Variants in LRRC8C observed in about 807,000 individuals in gnomAD.
The protein encoded by LRRC8C is volume-regulated anion channel subunit LRRC8C.
Under a neutral mutation model 55.3 loss-of-function variants are expected in LRRC8C, and 20 were observed. That is an observed-to-expected ratio of 0.36 (90% confidence interval 0.25 to 0.53). The LOEUF (loss-of-function observed/expected upper bound fraction) is 0.53. Ranked by LOEUF, LRRC8C falls within the 20% of genes least tolerant of loss-of-function variation. LRRC8C has a pLI of 0.92. For synonymous variants in LRRC8C, 376 were observed against 360.7 expected (o/e 1.04, Z -0.48); for missense variants, 659 against 951.4 (o/e 0.69, Z 4.04).
In LRRC8C at chr1:89,714,431, G is replaced by A; in HGVS notation, c.1861G>A (p.Glu621Lys). The A allele has an allele frequency of 6.2e-7, 1 of 1,614,140 alleles. No individual in the cohort carries two copies. The highest frequency in any genetic ancestry group is 8.5e-7 in the Non-Finnish European group (1 of 1,180,022). The change falls in exon 3 of 3, where the codon GAA (glutamate) becomes AAA (lysine). Residue 621 changes from glutamate (E) to lysine (K), a missense_variant. By Grantham distance (56) the Glu-to-Lys change is moderately conservative. Transcript: ENST00000370454. The surrounding 1 kb of genome is among the most constrained non-coding windows in gnomAD (Gnocchi z 4.6). ...CAGCCTCCAGGAATTGGACCTGAAG[G>A]AAAACAATCTGAAATCTATAGAAGA... ...LLSLQELDLK[E>K]NNLKSIEEIV...
intron 1 of LRRC8C, among the ~76,000 whole-genome samples, chr1:89,662,207 T>C (rs1657140320): frequency 6.6e-6 from 1 of 152,158 alleles, no homozygotes; most frequent in African/African-American, 2.4e-5. Context: ...CTTGCAAATT[T>C]CTGTTGGGTC....
At chr1:89,654,951 T>A (rs568984053) in intron 1 of LRRC8C, among the ~76,000 whole-genome samples, 1 of 148,556 alleles carries the variant, frequency 6.7e-6, no homozygotes, top group East Asian at 2.0e-4. Flanking sequence ...CAAGTGATCC[T>A]CCTTCTTCAG....
chr1:89,663,244 C>G (rs377255359), intron 1 of LRRC8C, among the ~76,000 whole-genome samples: 3 of 152,244 alleles, frequency 2.0e-5, no homozygotes, highest in East Asian at 3.9e-4. Flanking sequence ...TGGGTTGGTT[C>G]TAAGTCTTTG....
chr1:89,632,472 A>T (rs1656133616), upstream of LRRC8C, among the ~76,000 whole-genome samples: 1 of 152,166 alleles, frequency 6.6e-6, no homozygotes. Context: ...TTCATGATCC[A>T]AGGATATTGG....
At chr1:89,693,624 CCTTTT>C (rs1239820224) in intron 2 of LRRC8C, among the ~76,000 whole-genome samples, 3 of 141,536 alleles carry the variant, frequency 2.1e-5, no homozygotes, top group Admixed American at 1.4e-4. Flanking sequence ...CAGATATGTT[CCTTTT>C]CTTTTATCTT....
chr1:89,616,354 T>C, the LRRC8C span, among the ~76,000 whole-genome samples: 1 of 152,100 alleles, frequency 6.6e-6, no homozygotes, highest in Non-Finnish European at 1.5e-5. Context: ...CTAGACAGAG[T>C]TAATTCAGGG....
At chr1:89,709,959 G>A (rs1024465339) in intron 2 of LRRC8C, among the ~76,000 whole-genome samples, 2 of 152,124 alleles carry the variant, frequency 1.3e-5, no homozygotes, top group Non-Finnish European at 2.9e-5. Context: ...CACCGTGTTA[G>A]CCAAGGTGGT....
At chr1:89,636,273 C>T (rs10801756) in intron 1 of LRRC8C, among the ~76,000 whole-genome samples, 84,613 of 152,014 alleles carry the variant, frequency 0.56, 23,967 homozygotes, top group East Asian at 0.79. Context: ...CTGGTAGAAA[C>T]TTCTGCTGTA....
rs1658844054 is a variant in LRRC8C at position 89,717,062 on chromosome 1, T to A, written c.*2080T>A. 6.6e-6 allele frequency: 1 copy of A among 152,172 alleles called. No individual in the cohort carries two copies. 9.4% of individuals were successfully genotyped at this position (152,172 alleles called of 1,614,324 possible). A position where few individuals can be genotyped will look rare whatever the true frequency, so the allele number is the denominator to read the frequency against. ...CTCAGAATAATAACATGGTTATAGT[T>A]CTTGTATGATAAAGTATTCAATTTC... is the stretch of plus-strand genomic sequence containing the variant. On this transcript the variant is annotated 3_prime_UTR_variant, in exon 3 of 3. Transcript: ENST00000370454.
At chr1:89,670,413 C>T (rs1037038391) in intron 1 of LRRC8C, among the ~76,000 whole-genome samples, 2 of 152,170 alleles carry the variant, frequency 1.3e-5, no homozygotes, top group East Asian at 3.8e-4. Context: ...CATGCTGACT[C>T]ATTCATGTTC....
At chr1:89,644,748 C>A (rs1656567794) in intron 1 of LRRC8C, among the ~76,000 whole-genome samples, 1 of 152,194 alleles carries the variant, frequency 6.6e-6, no homozygotes, top group Non-Finnish European at 1.5e-5. Context: ...TAAACTCTTA[C>A]CAAATCTTTG....
At chr1:89,692,375 A>G (rs762992338) in intron 2 of LRRC8C, among the ~76,000 whole-genome samples, 5 of 152,292 alleles carry the variant, frequency 3.3e-5, no homozygotes, top group South Asian at 4.1e-4. Flanking sequence ...TAGAGTAACT[A>G]TTTTGTAAGT....
intron 2 of LRRC8C, among the ~76,000 whole-genome samples, chr1:89,696,977 A>T (rs1017246618): frequency 2.0e-5 from 3 of 152,214 alleles, no homozygotes; most frequent in African/African-American, 7.2e-5. Flanking sequence ...TGGAATCCAA[A>T]TAATCTTAAC....
intron 1 of LRRC8C, among the ~76,000 whole-genome samples, chr1:89,671,376 T>C (rs1570712385): frequency 1.3e-5 from 2 of 149,894 alleles, no homozygotes; most frequent in African/African-American, 2.5e-5. Context: ...GAAAAACAGA[T>C]CAAAGGAGAC....
Position 89,718,136 on chromosome 1 carries a change from A to C in LRRC8C, c.*3154A>C, listed in dbSNP as rs1195018337. 2 of 152,162 alleles carry C rather than the reference A, an allele frequency of 1.3e-5. No homozygotes were observed. Among genetic ancestry groups the C allele is most frequent in the African/African-American group, 4.8e-5 (2 of 41,454 alleles). The allele number at this position is 152,162 out of a possible 1,614,324, so 9.4% of individuals were successfully genotyped here. On this transcript the variant is annotated 3_prime_UTR_variant, in exon 3 of 3. Coordinates refer to ENST00000370454, the MANE Select transcript of LRRC8C (RefSeq NM_032270.5). ...GTTTTTAATGCAGCTCTTTTAATAT[A>C]AAGATTCTTGATACAGTGAAATCTC...
At chr1:89,640,047 C>T (rs1656411472) in intron 1 of LRRC8C, among the ~76,000 whole-genome samples, 1 of 152,170 alleles carries the variant, frequency 6.6e-6, no homozygotes, top group Admixed American at 6.5e-5. Flanking sequence ...AAAACTCATA[C>T]ATCTTGTCAG....
chr1:89,709,302 A>G (rs1034092897), intron 2 of LRRC8C, among the ~76,000 whole-genome samples: 1 of 152,220 alleles, frequency 6.6e-6, no homozygotes, highest in Non-Finnish European at 1.5e-5. Context: ...AGTTTTCTGA[A>G]CCTTGGTCAG....
intron 1 of LRRC8C, among the ~76,000 whole-genome samples, chr1:89,647,383 G>A (rs540176833): frequency 6.6e-5 from 10 of 152,262 alleles, no homozygotes; most frequent in African/African-American, 2.2e-4. Context: ...GAATTGAGAA[G>A]GTCATAGTAT....
At chr1:89,658,343 G>C (rs1391907643) in intron 1 of LRRC8C, among the ~76,000 whole-genome samples, 4 of 152,118 alleles carry the variant, frequency 2.6e-5, no homozygotes, top group African/African-American at 9.7e-5. Context: ...ATTCGGGTGT[G>C]TTTGCTTGGA....
Sources: allele counts gnomAD v4.1 joint callset (sites outside exome capture counted in the v4.1 genomes callset), GRCh38; gene constraint gnomAD v4.1.1; non-coding constraint Gnocchi (gnomAD v3.1); transcripts MANE v1.5; gene names NCBI Gene and HGNC (gene_info 2026-07-23, HGNC 2026-07-21).